The following MFSD12 variants were observed in gnomAD, a reference collection of about 807,000 sequenced individuals.
MFSD12 encodes the protein major facilitator superfamily domain containing 12, also known as major facilitator superfamily domain-containing protein 12.
A neutral mutation model predicts 51.2 loss-of-function variants in MFSD12; 67 were observed. The observed-to-expected ratio is 1.31, with a 90% CI of 1.08 to 1.60. The LOEUF is 1.60. MFSD12 is among the 40% of genes most tolerant of loss of function. MFSD12 has a pLI of 0.00. For missense variants in MFSD12, 921 were observed against 673.0 expected (o/e 1.37, Z -4.08); for synonymous variants, 441 against 316.7 (o/e 1.39, Z -4.17).
rs1568254842 is a variant in MFSD12, at chr19:3,546,268, A to C, written c.1181T>G (p.Ile394Ser). Residue 394 changes from isoleucine to serine, a missense_variant, in exon 7 of 10, where the codon ATC (isoleucine) becomes AGC (serine). By Grantham distance (142) the Ile-to-Ser change is moderately radical. Coordinates refer to ENST00000355415, the MANE Select transcript of MFSD12 (RefSeq NM_174983.5). ...TACCAGCCCTACCGTGTGGGGACCG[A>C]TGAGGTCGGCCGTCATGGCCAGCGA... is the stretch of plus-strand genomic sequence containing the variant. ...VTSLAMTADL[I>S]GPHTNSGAFV... is the part of the protein sequence containing the mutation. 1 of 1,610,842 alleles carries C rather than the reference A, an allele frequency of 6.2e-7. No individual in the cohort carries two copies. The highest frequency in any genetic ancestry group is 1.7e-4 in the Middle Eastern group (1 of 6,056).
chr19:3,547,405 C>G, intron 5 of MFSD12, 41 bp from the exon 6 acceptor site: 1 of 1,611,654 alleles, frequency 6.2e-7, no homozygotes, highest in Non-Finnish European at 8.5e-7. Flanking sequence ...AGTCATGGCT[C>G]GCCAGGCTGG....
chr19:3,540,771 T>C (rs150908739), downstream of MFSD12, among the ~76,000 whole-genome samples: 86,669 of 145,840 alleles, frequency 0.59, 26,886 homozygotes, highest in East Asian at 0.82. Flanking sequence ...CCCAGCTACT[T>C]GGGAGGCTGA....
chr19:3,551,174 A>G lies in MFSD12; in HGVS notation c.319T>C (p.Ser107Pro). 6.2e-7 allele frequency: 1 copy of G among 1,610,524 alleles called. No individual in the cohort carries two copies. Among genetic ancestry groups the G allele is most frequent in the Non-Finnish European group, 8.5e-7 (1 of 1,178,968 alleles). The change falls in exon 2 of 10, where the codon TCC becomes CCC. Residue 107 changes from serine (S) to proline (P), a missense_variant. Coordinates refer to ENST00000355415, the MANE Select transcript of MFSD12 (RefSeq NM_174983.5). This position sits in a 1 kb window ranked among gnomAD's most constrained non-coding sequence, Gnocchi z 4.6. Reference sequence around the variant, plus strand: ...CAGGGGCTGAAGATGAAGGGGAAGGACAGCAGGACGCAGACGGTGCCTGTG... The same window carrying G: ...CAGGGGCTGAAGATGAAGGGGAAGGGCAGCAGGACGCAGACGGTGCCTGTG... ...HLVGTVCVLL[S>P]FPFIFSPCLG...
chr19:3,540,503 T>G (rs1013348430), downstream of MFSD12, among the ~76,000 whole-genome samples: 476 of 150,642 alleles, frequency 3.2e-3, no homozygotes, highest in Non-Finnish European at 4.6e-3. Context: ...TGATCTGCCC[T>G]CCTTGGCCTC....
At chr19:3,541,046 G>T (rs1447723710), downstream of MFSD12, among the ~76,000 whole-genome samples, 14 of 149,916 alleles carry the variant, frequency 9.3e-5, no homozygotes, top group Non-Finnish European at 1.5e-5. Flanking sequence ...GCGGGCGCCT[G>T]CAATCCCAGC....
chr19:3,542,958 T>C, downstream of MFSD12: 2 of 1,522,144 alleles, frequency 1.3e-6, no homozygotes, highest in Non-Finnish European at 1.8e-6. Context: ...CTCCCCTCCC[T>C]CTTCTCCAGG....
chr19:3,555,751 A>G lies in MFSD12; in HGVS notation c.298+1355T>C, dbSNP rs576322281. On this transcript the variant is annotated intron_variant, in intron 1 of 9. Transcript: ENST00000355415. ...GAGGCACCCGCCTGCCCCTCCTGCC[A>G]CCTGGAATTCCAAGAACTGAGCAGG... is the stretch of plus-strand genomic sequence containing the variant. Among the ~76,000 whole-genome samples, 161 of 152,252 alleles carry G rather than the reference A, an allele frequency of 1.1e-3. 2 individuals are homozygous for G. The highest frequency in any genetic ancestry group is 3.6e-3 in the African/African-American group (148 of 41,540).
Position 3,546,427 on chromosome 19 carries a change from T to C in MFSD12, c.1024-2A>G. ...CAGGAGGCCTGAGAAGTAGGTCATC[T>C]GCAGGGACAGCCCCGGGGTCAGGCC... On this transcript the variant is annotated splice_acceptor_variant, in intron 6 of 9. Coordinates refer to ENST00000355415, the MANE Select transcript of MFSD12 (RefSeq NM_174983.5). LOFTEE classifies it high-confidence loss of function. The C allele has an allele frequency of 3.7e-6, 6 of 1,602,906 alleles. No individual in the cohort carries two copies. The highest frequency in any genetic ancestry group is 5.1e-6 in the Non-Finnish European group (6 of 1,175,574).
intron 4 of MFSD12, chr19:3,538,775 C>T (rs186759201): frequency 9.3e-4 from 486 of 520,938 alleles, no homozygotes; most frequent in Non-Finnish European, 1.4e-3. Context: ...ATTTTACAAA[C>T]GGACTGGATG....
intron 2 of MFSD12, among the ~76,000 whole-genome samples, chr19:3,549,127 G>A (rs1395164063): frequency 2.0e-5 from 3 of 152,198 alleles, no homozygotes; most frequent in African/African-American, 7.2e-5. Context: ...CTATAACTAT[G>A]CCAGGCACAC....
In MFSD12 at chr19:3,544,344, TGTCTGGAGACCCCCA is replaced by T; in HGVS notation, c.*351_*365del. On this transcript the variant is annotated 3_prime_UTR_variant, in exon 10 of 10. Coordinates refer to ENST00000355415, the MANE Select transcript of MFSD12 (RefSeq NM_174983.5). ...AGCCGTCCTGAGGGGGCCCTGGCAG[TGTCTGGAGACCCCCA>T]GGCTGGAGGTGAGGGGTGAACTGGA... is the stretch of plus-strand genomic sequence containing the variant. The T allele has an allele frequency of 7.9e-7, 1 of 1,271,206 alleles. No individual in the cohort carries two copies. Among genetic ancestry groups the T allele is most frequent in the East Asian group, 3.1e-5 (1 of 31,884 alleles). The allele number at this position is 1,271,206 out of a possible 1,614,324, so 78.7% of individuals were successfully genotyped here.
intron 5 of MFSD12, 38 bp from the exon 6 acceptor site, chr19:3,547,402 G>C: frequency 6.2e-7 from 1 of 1,611,912 alleles, no homozygotes; most frequent in East Asian, 2.2e-5. Flanking sequence ...GTCAGTCATG[G>C]CTCGCCAGGC....
Position 3,553,501 on chromosome 19 carries a change from G to A in MFSD12, c.299-2307C>T, listed in dbSNP as rs185996385. ...AAAAAAAAAAAGGCCGGGCGCGGTG[G>A]CTCACGCCTGTAATCCCAGCACTTT... On this transcript the variant is annotated intron_variant, in intron 1 of 9. Coordinates refer to ENST00000355415, the MANE Select transcript of MFSD12 (RefSeq NM_174983.5). Among the ~76,000 whole-genome samples the A allele has an allele frequency of 4.4e-3, 672 of 151,572 alleles. 5 individuals are homozygous for A. The highest frequency in any genetic ancestry group is 0.015 in the African/African-American group (635 of 41,384).
intron 2 of MFSD12, among the ~76,000 whole-genome samples, chr19:3,550,324 G>A (rs1020396379): frequency 2.0e-5 from 3 of 152,198 alleles, no homozygotes; most frequent in Non-Finnish European, 2.9e-5. Context: ...CAAGGCAGGA[G>A]GATCGCTTGA....
At chr19:3,544,022 C>T (rs779846158), downstream of MFSD12, 4 of 1,525,562 alleles carry the variant, frequency 2.6e-6, no homozygotes, top group Admixed American at 2.0e-5. Context: ...GGCATGCTAC[C>T]AGGATGCACC....
At chr19:3,543,124 C>A, downstream of MFSD12, 3 of 1,515,352 alleles carry the variant, frequency 2.0e-6, no homozygotes, top group East Asian at 4.9e-5. Flanking sequence ...GGGAGGGAGA[C>A]CCCACGCCGT....
intron 4 of MFSD12, chr19:3,538,863 G>C (rs889564994): frequency 3.4e-6 from 2 of 593,140 alleles, no homozygotes; most frequent in Non-Finnish European, 6.6e-6. Context: ...CGATCGAAGG[G>C]GCAGGGGGAG....
In MFSD12 at chr19:3,545,944, G is replaced by C. The variant is rs1021997028; in HGVS notation, c.1289+130C>G. The C allele has an allele frequency of 9.1e-6, 8 of 880,260 alleles. No homozygotes were observed. The African/African-American group carries it at 1.2e-4, about 13-fold the overall frequency. The allele number at this position is 880,260 out of a possible 1,614,324, so 54.5% of individuals were successfully genotyped here. On this transcript the variant is annotated intron_variant, in intron 8 of 9. Coordinates refer to ENST00000355415, the MANE Select transcript of MFSD12 (RefSeq NM_174983.5). The stretch of plus-strand genomic sequence containing the variant: ...GAAAGGAAAGGTCTCCCCTGCCTAT[G>C]ACTCCCATTGGGGCAGGTGTCTTTG...
At chr19:3,547,618 C>T (rs2031183512) in intron 4 of MFSD12, 71 bp from the exon 5 acceptor site, 2 of 1,424,006 alleles carry the variant, frequency 1.4e-6, no homozygotes, top group South Asian at 1.2e-5. Context: ...GCAGGGGGCA[C>T]CGGGGCCAGG....
Sources: gnomAD v4.1 joint callset for allele counts (sites outside exome capture counted in the v4.1 genomes callset) on GRCh38, gnomAD v4.1.1 for gene constraint, Gnocchi (gnomAD v3.1) non-coding constraint, MANE v1.5 for transcripts, NCBI Gene and HGNC (gene_info 2026-07-23, HGNC 2026-07-21) for gene names.